SH3PXD2B: variants seen among roughly 807,000 people sequenced by gnomAD.
SH3PXD2B encodes SH3 and PX domains 2B.
In SH3PXD2B, 37 loss-of-function variants were observed where a neutral mutation model predicts 73.1. The observed-to-expected ratio is 0.51, with a 90% CI of 0.39 to 0.67. SH3PXD2B has a LOEUF of 0.67. SH3PXD2B is among the 30% of genes least tolerant of loss of function. The pLI, the probability that SH3PXD2B is intolerant of heterozygous loss-of-function variation, is 0.00. For missense variants in SH3PXD2B, 1,053 were observed against 1,197.8 expected (o/e 0.88, Z 1.78); for synonymous variants, 457 against 480.5 (o/e 0.95, Z 0.64).
intron 1 of SH3PXD2B, among the ~76,000 whole-genome samples, chr5:172,423,551 G>C (rs895023066): frequency 2.0e-5 from 3 of 148,094 alleles, no homozygotes; most frequent in East Asian, 4.0e-4. Context: ...GGGTTGGGGG[G>C]GGGGGCGCAC....
In SH3PXD2B at chr5:172,335,915, A is replaced by G. The variant is rs1022464597; in HGVS notation, c.*2454T>C. 8.4e-7 allele frequency: 1 copy of G among 1,192,694 alleles called. No individual in the cohort carries two copies. Among genetic ancestry groups the G allele is most frequent in the Non-Finnish European group, 1.0e-6 (1 of 963,788 alleles). The allele number at this position is 1,192,694 out of a possible 1,614,324, so 73.9% of individuals were successfully genotyped here. ...TTCAGTACCCGCGGGTCATGTCAGA[A>G]TAATCATCATCATCATAGCAAAAGA... is the stretch of plus-strand genomic sequence containing the variant. On this transcript the variant is annotated 3_prime_UTR_variant, in exon 13 of 13. Coordinates refer to ENST00000311601, the MANE Select transcript of SH3PXD2B (RefSeq NM_001017995.3).
At chr5:172,364,801 G>A (rs1757478049) in intron 6 of SH3PXD2B, among the ~76,000 whole-genome samples, 1 of 152,314 alleles carries the variant, frequency 6.6e-6, no homozygotes, top group Admixed American at 6.5e-5. Context: ...CTTGTTGGTA[G>A]CTCGAAATTG....
At chr5:172,434,782 G>GTTTTTGTTTTTTT (rs1554087271) in intron 1 of SH3PXD2B, among the ~76,000 whole-genome samples, 1 of 66,348 alleles carries the variant, frequency 1.5e-5, no homozygotes, top group African/African-American at 4.6e-5. Flanking sequence ...ATGGCCAATG[G>GTTTTTGTTTTTTT]TTTTTTTTTT....
At chr5:172,442,801 A>G in intron 1 of SH3PXD2B, among the ~76,000 whole-genome samples, 1 of 152,190 alleles carries the variant, frequency 6.6e-6, no homozygotes, top group East Asian at 1.9e-4. Flanking sequence ...TGAATAATCC[A>G]CAGTGGATAC....
chr5:172,446,206 C>T (rs1429920163), intron 1 of SH3PXD2B, among the ~76,000 whole-genome samples: 3 of 152,222 alleles, frequency 2.0e-5, no homozygotes, highest in Non-Finnish European at 4.4e-5. Flanking sequence ...CATTGGATCT[C>T]CCCAACAAAG....
chr5:172,412,362 G>A (rs952910698), intron 2 of SH3PXD2B, among the ~76,000 whole-genome samples: 1 of 152,158 alleles, frequency 6.6e-6, no homozygotes, highest in Non-Finnish European at 1.5e-5. Context: ...CTGCAACTCA[G>A]GAGCTCAATT....
intron 6 of SH3PXD2B, 44 bp from the exon 7 acceptor site, chr5:172,362,913 A>G (rs1757431985): frequency 1.9e-6 from 3 of 1,612,932 alleles, no homozygotes; most frequent in Non-Finnish European, 2.5e-6. Context: ...CCACTCATGC[A>G]TGAAAGAGCA....
At chr5:172,422,965 C>A (rs17653380) in intron 1 of SH3PXD2B, among the ~76,000 whole-genome samples, 9,231 of 152,168 alleles carry the variant, frequency 0.061, 419 homozygotes, top group African/African-American at 0.13. Flanking sequence ...GTTATTTTTT[C>A]CCCGAGTCCC....
intron 1 of SH3PXD2B, among the ~76,000 whole-genome samples, chr5:172,450,922 G>C (rs567848943): frequency 6.4e-4 from 97 of 152,350 alleles, no homozygotes; most frequent in Non-Finnish European, 9.8e-4. Context: ...TTCCAACAGA[G>C]GGCAGTGGCT....
rs767075574 is a variant in SH3PXD2B at position 172,350,363 on chromosome 5, T to C, written c.1012A>G (p.Arg338Gly). 9 of 1,613,312 alleles carry C rather than the reference T, an allele frequency of 5.6e-6. No individual in the cohort carries two copies. Among genetic ancestry groups the C allele is most frequent in the African/African-American group, 5.3e-5 (4 of 74,898 alleles). Residue 338 changes from arginine to glycine, a missense_variant and splice_region_variant, in exon 10 of 13, where the codon AGA becomes GGA. By Grantham distance (125) the Arg-to-Gly change is moderately radical. Coordinates refer to ENST00000311601, the MANE Select transcript of SH3PXD2B (RefSeq NM_001017995.3). ...RPVPDGDAKQRSPKMRQRPPP... is the reference protein window; with the variant it reads ...RPVPDGDAKQGSPKMRQRPPP... The stretch of plus-strand genomic sequence containing the variant: ...AGGAGCTTGGGCGGGTGTCACTCAC[T>C]CTGCTTGGCGTCACCGTCGGGCACC...
rs542979018 is a variant in SH3PXD2B at position 172,414,109 on chromosome 5, A to C, written c.157-7757T>G. 9.8e-5 allele frequency among the ~76,000 whole-genome samples: 15 copies of C among 152,330 alleles called. No individual in the cohort carries two copies. The East Asian group carries it at 1.7e-3, about 18-fold the overall frequency. ...TGGGGGCTTATGGGCAGATAGTCTTAAAAAGTACACTTGGGGCTGTTAAAC... is the reference window on the plus strand; with the variant it reads ...TGGGGGCTTATGGGCAGATAGTCTTCAAAAGTACACTTGGGGCTGTTAAAC... On this transcript the variant is annotated intron_variant, in intron 2 of 12. Coordinates refer to ENST00000311601, the MANE Select transcript of SH3PXD2B (RefSeq NM_001017995.3).
In SH3PXD2B at chr5:172,339,485, C is replaced by G; in HGVS notation, c.1620G>C (p.Glu540Asp). 1 of 1,613,864 alleles carries G rather than the reference C, an allele frequency of 6.2e-7. No homozygotes were observed. Among genetic ancestry groups the G allele is most frequent in the African/African-American group, 1.3e-5 (1 of 75,046 alleles). ...GCTGCTCCGTCCTCTGCCGCTCCCG[C>G]TCCCGCTCCAGCAGCTCCCCCTCCG... is the stretch of plus-strand genomic sequence containing the variant. ...IKSEGELLER[E>D]RERQRTEQLR... Residue 540 changes from glutamate (E) to aspartate (D), a missense_variant, in exon 13 of 13, where the codon GAG (glutamate) becomes GAC (aspartate). By Grantham distance (45) the Glu-to-Asp change is conservative (BLOSUM62 2). Transcript: ENST00000311601. This position sits in a 1 kb window ranked among gnomAD's most constrained non-coding sequence, Gnocchi z 6.1.
chr5:172,381,409 G>A (rs973755915), intron 5 of SH3PXD2B, among the ~76,000 whole-genome samples: 3 of 152,216 alleles, frequency 2.0e-5, no homozygotes, highest in Non-Finnish European at 2.9e-5. Context: ...CACCCGGGCC[G>A]GCCAGAGTGT....
At chr5:172,439,270 CAAAAACAAAA>C (rs1561583487) in intron 1 of SH3PXD2B, among the ~76,000 whole-genome samples, 79 of 44,664 alleles carry the variant, frequency 1.8e-3, no homozygotes, top group African/African-American at 7.9e-3. Flanking sequence ...AAAACAAAAA[CAAAAACAAAA>C]CAAAAAAAAA....
intron 1 of SH3PXD2B, among the ~76,000 whole-genome samples, chr5:172,431,831 C>A: frequency 6.6e-6 from 1 of 152,112 alleles, no homozygotes; most frequent in East Asian, 1.9e-4. Flanking sequence ...GTCAAGTGAT[C>A]AATACATAAC....
intron 1 of SH3PXD2B, among the ~76,000 whole-genome samples, chr5:172,423,769 A>C (rs954422168): frequency 6.6e-6 from 1 of 152,020 alleles, no homozygotes; most frequent in African/African-American, 2.4e-5. Flanking sequence ...TAGCCTCCCG[A>C]GTAGCTAGGA....
chr5:172,429,208 C>A (rs930680991), intron 1 of SH3PXD2B, among the ~76,000 whole-genome samples: 1 of 152,184 alleles, frequency 6.6e-6, no homozygotes, highest in Non-Finnish European at 1.5e-5. Context: ...TTCTCCTTGG[C>A]AGGCCTTTGG....
downstream of SH3PXD2B, among the ~76,000 whole-genome samples, chr5:172,330,343 G>A (rs1184413089): frequency 6.6e-5 from 10 of 152,190 alleles, no homozygotes; most frequent in African/African-American, 2.2e-4. Flanking sequence ...GAATTTGGGT[G>A]AAGGATGTGG....
intron 2 of SH3PXD2B, among the ~76,000 whole-genome samples, 194 bp from the exon 3 acceptor site, chr5:172,406,546 A>T (rs544352328): frequency 2.6e-5 from 4 of 152,344 alleles, no homozygotes; most frequent in African/African-American, 7.2e-5. Context: ...AACAATGTTT[A>T]TATCCACAGC....
Sources: gnomAD v4.1 joint callset for allele counts (sites outside exome capture counted in the v4.1 genomes callset) on GRCh38, gnomAD v4.1.1 for gene constraint, Gnocchi (gnomAD v3.1) non-coding constraint, MANE v1.5 for transcripts, NCBI Gene and HGNC (gene_info 2026-07-23, HGNC 2026-07-21) for gene names.